Variants in LRRC37A3 observed in about 807,000 individuals in gnomAD.
The protein encoded by LRRC37A3 is leucine-rich repeat-containing protein 37A3.
A neutral mutation model predicts 106.2 loss-of-function variants in LRRC37A3; 25 were observed. The observed-to-expected ratio is 0.24, with a 90% CI of 0.17 to 0.33. LRRC37A3 has a LOEUF of 0.33. LRRC37A3 is among the 10% of genes least tolerant of loss of function. The pLI is 1.00. For missense variants in LRRC37A3, 712 were observed against 1,644.9 expected (o/e 0.43, Z 9.81); for synonymous variants, 305 against 635.8 (o/e 0.48, Z 7.83).
At chr17:64,870,083 A>ATTTT (rs904361471) in intron 8 of LRRC37A3, among the ~76,000 whole-genome samples, 4 of 110,390 alleles carry the variant, frequency 3.6e-5, no homozygotes, top group Non-Finnish European at 5.6e-5. Context: ...CAGAGACCAC[A>ATTTT]TTTTTTTTTT....
chr17:64,859,671 C>G lies in LRRC37A3; in HGVS notation c.4475G>C (p.Arg1492Thr), dbSNP rs1307591943. The G allele has an allele frequency of 6.2e-7, 1 of 1,613,558 alleles. No homozygotes were observed. Among genetic ancestry groups the G allele is most frequent in the Non-Finnish European group, 8.5e-7 (1 of 1,179,988 alleles). Residue 1492 changes from arginine (R) to threonine (T), a missense_variant, in exon 12 of 15, where the codon AGG (arginine) becomes ACG (threonine). By Grantham distance (71) the Arg-to-Thr change is moderately conservative. Transcript: ENST00000584306. ...QSVIPNNNVR[R>T]LIAHVIRTLK... ...GGTCCGGATAACATGAGCAATGAGC[C>G]TTCTCACATTGTTGTTGGGGATAAC... is the stretch of plus-strand genomic sequence containing the variant.
intron 2 of LRRC37A3, among the ~76,000 whole-genome samples, chr17:64,915,746 T>A (rs1974688556): frequency 6.6e-6 from 1 of 152,160 alleles, no homozygotes; most frequent in African/African-American, 2.4e-5. Flanking sequence ...TGTATGAACA[T>A]CACACAGCCT....
chr17:64,881,143 C>G (rs1248310460), intron 8 of LRRC37A3: 1 of 700,858 alleles, frequency 1.4e-6, no homozygotes, highest in East Asian at 2.7e-5. Context: ...CTCCCCACAC[C>G]AAGCTCCTCC....
At chr17:64,877,367 A>G (rs1881097437) in intron 8 of LRRC37A3, among the ~76,000 whole-genome samples, 1 of 151,884 alleles carries the variant, frequency 6.6e-6, no homozygotes, top group Admixed American at 6.6e-5. Context: ...ACGCCCTGCT[A>G]ATTTTTGTAC....
intron 8 of LRRC37A3, among the ~76,000 whole-genome samples, chr17:64,877,608 G>A (rs180864503): frequency 3.3e-5 from 5 of 152,360 alleles, no homozygotes; most frequent in Admixed American, 2.0e-4. Context: ...GCTATTATCA[G>A]TACAGTTCTT....
intron 8 of LRRC37A3, among the ~76,000 whole-genome samples, chr17:64,874,562 C>T (rs2143472850): frequency 6.6e-6 from 1 of 152,128 alleles, no homozygotes; most frequent in African/African-American, 2.4e-5. Flanking sequence ...AAGTGAGGAG[C>T]CCCTCTGCCC....
At chr17:64,909,823 G>A (rs1224255590) in intron 2 of LRRC37A3, 3 of 152,148 alleles carry the variant, frequency 2.0e-5, no homozygotes, top group Admixed American at 2.0e-4. Context: ...AAGAAAAATG[G>A]AGAACCAAAG....
chr17:64,881,503 C>A (rs1397719063), intron 8 of LRRC37A3, among the ~76,000 whole-genome samples: 1 of 131,418 alleles, frequency 7.6e-6, no homozygotes, highest in Middle Eastern at 3.6e-3. Flanking sequence ...CCACCTTGGC[C>A]TCCCAAAGTG....
At position 64,866,491 on chromosome 17, in the gene LRRC37A3, G is replaced by A. The variant is rs559674665; in HGVS notation, c.3053+1971C>T. ...TGTGGGGGCTGGTGGCACAATTGAA[G>A]TTGCAGTAAATTGTGTAACAAACTC... On this transcript the variant is annotated intron_variant, in intron 10 of 14. Coordinates refer to ENST00000584306, the MANE Select transcript of LRRC37A3 (RefSeq NM_199340.5). 1.7e-3 allele frequency among the ~76,000 whole-genome samples: 247 copies of A among 145,714 alleles called. 1 individual carries two copies. Among genetic ancestry groups the A allele is most frequent in the Middle Eastern group, 0.014 (4 of 280 alleles).
In LRRC37A3 at chr17:64,859,667, G is replaced by A. The variant is rs906028780; in HGVS notation, c.4479C>T (p.Leu1493=). Reference sequence around the variant, plus strand: ...TCAAGGTCCGGATAACATGAGCAATGAGCCTTCTCACATTGTTGTTGGGGA... The same window carrying A: ...TCAAGGTCCGGATAACATGAGCAATAAGCCTTCTCACATTGTTGTTGGGGA... ...SVIPNNNVRR[L]IAHVIRTLKM... is the part of the protein sequence containing the mutation. Residue 1493 remains leucine, a synonymous_variant, in exon 12 of 15, where the codon CTC becomes CTT. Coordinates refer to ENST00000584306, the MANE Select transcript of LRRC37A3 (RefSeq NM_199340.5). The A allele has an allele frequency of 6.8e-6, 11 of 1,613,792 alleles. No homozygotes were observed. The highest frequency in any genetic ancestry group is 1.3e-5 in the African/African-American group (1 of 74,886).
At chr17:64,856,187 A>G (rs1267315531) in intron 13 of LRRC37A3, among the ~76,000 whole-genome samples, 1 of 152,014 alleles carries the variant, frequency 6.6e-6, no homozygotes, top group Non-Finnish European at 1.5e-5. Flanking sequence ...CATCCCCCCT[A>G]TACTTTATTT....
At position 64,859,003 on chromosome 17, in the gene LRRC37A3, G is replaced by T. The variant is rs553195265; in HGVS notation, c.4705-120C>A. The T allele has an allele frequency of 5.9e-5, 43 of 734,094 alleles. No individual in the cohort carries two copies. In the East Asian group the frequency reaches 1.1e-3, roughly 19 times the overall value. The allele number at this position is 734,094 out of a possible 1,614,324, so 45.5% of individuals were successfully genotyped here. A position where few individuals can be genotyped will look rare whatever the true frequency, so the allele number is the denominator to read the frequency against. ...GGGTCTCACTCTGTCACCCAGGCTG[G>T]GGTACAGTGGTGCAATCACCATTCA... On this transcript the variant is annotated intron_variant, in intron 12 of 14. Coordinates refer to ENST00000584306, the MANE Select transcript of LRRC37A3 (RefSeq NM_199340.5).
chr17:64,882,418 TAA>T (rs1201397615), intron 8 of LRRC37A3, among the ~76,000 whole-genome samples: 3 of 152,272 alleles, frequency 2.0e-5, no homozygotes, highest in South Asian at 2.1e-4. Flanking sequence ...AAGAAAAGTA[TAA>T]GAGTTGTTAG....
intron 8 of LRRC37A3, among the ~76,000 whole-genome samples, chr17:64,872,781 G>A (rs544082850): frequency 3.9e-5 from 6 of 152,166 alleles, no homozygotes; most frequent in Admixed American, 6.5e-5. Context: ...AATCTCACGC[G>A]CATGCATAGG....
intron 8 of LRRC37A3, among the ~76,000 whole-genome samples, chr17:64,876,318 G>T (rs1446842430): frequency 6.6e-6 from 1 of 152,184 alleles, no homozygotes. Context: ...GAGTAGCTGT[G>T]ACTACAGGCA....
intron 8 of LRRC37A3, among the ~76,000 whole-genome samples, chr17:64,869,662 T>G (rs1567768335): frequency 6.7e-6 from 1 of 150,350 alleles, no homozygotes; most frequent in Non-Finnish European, 1.5e-5. Context: ...TGCCTCAGCC[T>G]TCCGAGTAGC....
intron 12 of LRRC37A3, among the ~76,000 whole-genome samples, chr17:64,859,215 G>A (rs1357579929): frequency 6.6e-6 from 1 of 152,152 alleles, no homozygotes; most frequent in African/African-American, 2.4e-5. Flanking sequence ...GCCTCCCAAA[G>A]TGCTGAGATT....
intron 1 of LRRC37A3, among the ~76,000 whole-genome samples, 151 bp downstream of exon 1, chr17:64,919,280 G>A (rs1383494964): frequency 6.6e-6 from 1 of 152,194 alleles, no homozygotes; most frequent in African/African-American, 2.4e-5. Flanking sequence ...GGCGGAGGGA[G>A]AAGGGAAAGC....
rs1360009715 is a variant in LRRC37A3, at chr17:64,912,917, A to G, written c.-496+5833T>C. Reference sequence around the variant, plus strand: ...AATTAAAAAATAAATGAATATCATGATATCTAGATTAAAAGCAAAAGGGTA... The same window carrying G: ...AATTAAAAAATAAATGAATATCATGGTATCTAGATTAAAAGCAAAAGGGTA... On this transcript the variant is annotated intron_variant, in intron 2 of 14. Transcript: ENST00000584306. Among the ~76,000 whole-genome samples, 9 of 146,830 alleles carry G rather than the reference A, an allele frequency of 6.1e-5. No homozygotes were observed. In the East Asian group the frequency reaches 7.8e-4, roughly 13 times the overall value.
Sources: allele counts gnomAD v4.1 joint callset (sites outside exome capture counted in the v4.1 genomes callset), GRCh38; gene constraint gnomAD v4.1.1; transcripts MANE v1.5; gene names NCBI Gene and HGNC (gene_info 2026-07-23, HGNC 2026-07-21).